Variants in HECW2 observed in about 807,000 individuals in gnomAD.
HECW2 encodes the protein E3 ubiquitin-protein ligase HECW2.
HECW2 carries 61 observed loss-of-function variants against 175.2 expected under a neutral mutation model. The observed-to-expected ratio is 0.35, with a 90% CI of 0.28 to 0.43. The LOEUF (loss-of-function observed/expected upper bound fraction) is 0.43, where lower values mean the gene tolerates loss of function less well. Ranked by LOEUF, HECW2 falls within the 20% of genes least tolerant of loss-of-function variation. The pLI is 1.00. For synonymous variants in HECW2, 671 were observed against 731.0 expected (o/e 0.92, Z 1.32); for missense variants, 1,524 against 2,000.5 (o/e 0.76, Z 4.54).
intron 1 of HECW2, among the ~76,000 whole-genome samples, chr2:196,487,342 TTAAA>T (rs1243327806): frequency 6.6e-6 from 1 of 152,030 alleles, no homozygotes; most frequent in African/African-American, 2.4e-5. Flanking sequence ...TAACAAGGAC[TTAAA>T]TAAACTTCTA....
Position 196,357,013 on chromosome 2 carries a change from C to T in HECW2, c.293-13249G>A, listed in dbSNP as rs1279114394. ...CACTACACCTTACTGTCTGTCTAGACCACACTCTGAGGATAATGGAAAGTC... is the reference window on the plus strand; with the variant it reads ...CACTACACCTTACTGTCTGTCTAGATCACACTCTGAGGATAATGGAAAGTC... On this transcript the variant is annotated intron_variant, in intron 2 of 28. Coordinates refer to ENST00000644978, the MANE Select transcript of HECW2 (RefSeq NM_001348768.2). Among the ~76,000 whole-genome samples the T allele has an allele frequency of 5.3e-5, 8 of 152,128 alleles. 1 individual carries two copies. The South Asian group carries it at 1.5e-3, about 28-fold the overall frequency.
At chr2:196,494,010 C>T (rs1437512374) in intron 1 of HECW2, among the ~76,000 whole-genome samples, 1 of 152,174 alleles carries the variant, frequency 6.6e-6, no homozygotes, top group Non-Finnish European at 1.5e-5. Flanking sequence ...TGTGACTAAC[C>T]TGCTCCAAGG....
At chr2:196,437,578 C>T (rs920159499) in intron 1 of HECW2, among the ~76,000 whole-genome samples, 2 of 123,340 alleles carry the variant, frequency 1.6e-5, no homozygotes, top group Non-Finnish European at 3.2e-5. Flanking sequence ...CACCACTGCA[C>T]TCCAGCCTGG....
chr2:196,304,259 G>A (rs1691179138), intron 13 of HECW2, among the ~76,000 whole-genome samples: 1 of 152,026 alleles, frequency 6.6e-6, no homozygotes, highest in African/African-American at 2.4e-5. Context: ...TTACCTTATC[G>A]GCTTCTGGGC....
Position 196,292,555 on chromosome 2 carries a change from C to T in HECW2, c.3000+10G>A, listed in dbSNP as rs766922804. 1.1e-5 allele frequency: 17 copies of T among 1,608,188 alleles called. No homozygotes were observed. The South Asian group carries it at 1.7e-4, about 16-fold the overall frequency. ...ATTTGGCACTCCCTGAGGCATCTCC[C>T]TCGTGTTACCTTGCCCTGGTGATCA... is the stretch of plus-strand genomic sequence containing the variant. On this transcript the variant is annotated intron_variant, in intron 14 of 28. Transcript: ENST00000644978.
intron 1 of HECW2, among the ~76,000 whole-genome samples, chr2:196,557,220 AC>A (rs1689825781): frequency 1.3e-5 from 2 of 152,204 alleles, no homozygotes; most frequent in East Asian, 3.9e-4. Flanking sequence ...ACATGGTGAA[AC>A]CCCATCTCTA....
chr2:196,491,485 TACAC>T (rs753174521), intron 1 of HECW2, among the ~76,000 whole-genome samples: 1 of 127,054 alleles, frequency 7.9e-6, no homozygotes, highest in African/African-American at 3.6e-5. Flanking sequence ...TATATATATA[TACAC>T]ATATATATAT....
At chr2:196,316,975 T>A in intron 10 of HECW2, 1 of 310,092 alleles carries the variant, frequency 3.2e-6, no homozygotes, top group Non-Finnish European at 6.1e-6. Context: ...TGGTTAGGCA[T>A]AATTTAAAAC....
intron 19 of HECW2, among the ~76,000 whole-genome samples, chr2:196,243,217 G>C (rs533685278): frequency 3.7e-4 from 55 of 148,272 alleles, no homozygotes; most frequent in African/African-American, 1.2e-3. Flanking sequence ...GCCCAGGCTG[G>C]AGTGCAATGG....
At chr2:196,375,752 T>C (rs1228237258) in intron 2 of HECW2, among the ~76,000 whole-genome samples, 1 of 152,256 alleles carries the variant, frequency 6.6e-6, no homozygotes, top group Admixed American at 6.5e-5. Context: ...CATCATCTAT[T>C]TCAATTTTTC....
intron 10 of HECW2, among the ~76,000 whole-genome samples, chr2:196,312,707 T>C (rs370700205): frequency 1.3e-5 from 2 of 152,232 alleles, no homozygotes; most frequent in Non-Finnish European, 2.9e-5. Flanking sequence ...TTTTCTGCTA[T>C]TTTATTTGAA....
At chr2:196,542,125 G>A (rs553109525) in intron 1 of HECW2, among the ~76,000 whole-genome samples, 10 of 152,044 alleles carry the variant, frequency 6.6e-5, no homozygotes, top group South Asian at 6.3e-4. Flanking sequence ...TTAGTCAGAC[G>A]TGGTGGCGCA....
intron 1 of HECW2, among the ~76,000 whole-genome samples, chr2:196,536,563 A>T (rs1689029422): frequency 6.6e-6 from 1 of 152,202 alleles, no homozygotes; most frequent in African/African-American, 2.4e-5. Flanking sequence ...AAGCAATTTT[A>T]AAAAACTTTT....
rs1367986363 is a variant in HECW2 at position 196,258,668 on chromosome 2, A to AT, written c.3336-763dup. 3.3e-5 allele frequency among the ~76,000 whole-genome samples: 5 copies of AT among 152,252 alleles called. No individual in the cohort carries two copies. The East Asian group carries it at 9.6e-4, about 29-fold the overall frequency. On this transcript the variant is annotated intron_variant, in intron 17 of 28. Transcript: ENST00000644978. ...TTGTTATATGAATACAATTTTAATA[A>AT]TTTTTTTCCTAGTTGCTTTCTTCCC...
chr2:196,249,470 GAA>G (rs1335178125), intron 19 of HECW2, among the ~76,000 whole-genome samples: 2 of 152,126 alleles, frequency 1.3e-5, no homozygotes, highest in Non-Finnish European at 2.9e-5. Context: ...GGAAAAGGGG[GAA>G]AGTTTACCAG....
At chr2:196,575,676 G>A (rs1026996394) in intron 1 of HECW2, among the ~76,000 whole-genome samples, 66 of 152,140 alleles carry the variant, frequency 4.3e-4, no homozygotes, top group Admixed American at 7.9e-4. Context: ...ATAAGACTGG[G>A]TAATTTATAA....
At chr2:196,577,620 C>T (rs941039993) in intron 1 of HECW2, among the ~76,000 whole-genome samples, 3 of 152,142 alleles carry the variant, frequency 2.0e-5, no homozygotes, top group African/African-American at 7.2e-5. Flanking sequence ...ATCTCTGGCT[C>T]ACCTTGAGGA....
intron 1 of HECW2, among the ~76,000 whole-genome samples, chr2:196,520,796 G>A (rs529682854): frequency 6.6e-6 from 1 of 152,280 alleles, no homozygotes; most frequent in Non-Finnish European, 1.5e-5. Context: ...ATGAAAACAG[G>A]TAGGTCAGAG....
intron 13 of HECW2, among the ~76,000 whole-genome samples, chr2:196,298,080 G>T (rs905798646): frequency 6.6e-6 from 1 of 152,080 alleles, no homozygotes; most frequent in African/African-American, 2.4e-5. Flanking sequence ...AAACTTAAAC[G>T]CTAGAATTAA....
Sources: gnomAD v4.1 joint callset for allele counts (sites outside exome capture counted in the v4.1 genomes callset) on GRCh38, gnomAD v4.1.1 for gene constraint, MANE v1.5 for transcripts, NCBI Gene and HGNC (gene_info 2026-07-23, HGNC 2026-07-21) for gene names.